Variants in RNF182 observed in about 807,000 individuals in gnomAD.
RNF182 encodes the protein E3 ubiquitin-protein ligase RNF182.
Under a neutral mutation model 14.4 loss-of-function variants are expected in RNF182, and 15 were observed. The observed-to-expected ratio is 1.04, with a 90% CI of 0.70 to 1.60. The LOEUF is 1.60. Among genes scored for constraint, RNF182 ranks in the 40% most tolerant of loss-of-function variants. RNF182 has a pLI of 0.00. For synonymous variants in RNF182, 128 were observed against 122.9 expected, an observed-to-expected ratio of 1.04 and a Z score of -0.27; for missense variants, 268 against 294.8, an observed-to-expected ratio of 0.91 and a Z score of 0.67.
chr6:13,932,980 T>A (rs957229592), intron 1 of RNF182, among the ~76,000 whole-genome samples: 1 of 152,174 alleles, frequency 6.6e-6, no homozygotes, highest in African/African-American at 2.4e-5. Context: ...CCATCCCATA[T>A]TGATTTGAAA....
intron 1 of RNF182, among the ~76,000 whole-genome samples, chr6:13,969,272 C>G (rs954419036): frequency 1.3e-5 from 2 of 152,136 alleles, no homozygotes; most frequent in African/African-American, 4.8e-5. Flanking sequence ...CCTGTCCTGT[C>G]CTGTCTTGTC....
chr6:13,971,335 A>G (rs1760173200), intron 1 of RNF182, among the ~76,000 whole-genome samples: 1 of 152,116 alleles, frequency 6.6e-6, no homozygotes, highest in Non-Finnish European at 1.5e-5. Flanking sequence ...GTCACCACAT[A>G]AGATGTGCCT....
rs117148257 is a variant in RNF182, at chr6:13,979,392, T to A, written c.*1529T>A. 2.6e-4 allele frequency: 44 copies of A among 167,190 alleles called. 1 individual carries two copies. The East Asian group carries it at 7.9e-3, about 30-fold the overall frequency. The allele number at this position is 167,190 out of a possible 1,614,324, so 10.4% of individuals were successfully genotyped here. A position where few individuals can be genotyped will look rare whatever the true frequency, so the allele number is the denominator to read the frequency against. On this transcript the variant is annotated 3_prime_UTR_variant, in exon 3 of 3. Coordinates refer to ENST00000488300, the MANE Select transcript of RNF182 (RefSeq NM_152737.4). ...CATTACTAAGACGACTTTAACTTGTTATGAAATCTTTGTTGTGTGATGCAG... is the reference window on the plus strand; with the variant it reads ...CATTACTAAGACGACTTTAACTTGTAATGAAATCTTTGTTGTGTGATGCAG...
intron 1 of RNF182, among the ~76,000 whole-genome samples, chr6:13,947,229 G>A (rs1047325106): frequency 6.6e-5 from 10 of 152,110 alleles, no homozygotes; most frequent in African/African-American, 2.4e-4. Context: ...TGGTTCACAG[G>A]AATAAGCAGG....
rs1009822167 is a variant in RNF182 at position 13,979,748 on chromosome 6, G to C, written c.*1885G>C. 6.0e-6 allele frequency: 1 copy of C among 166,918 alleles called. No individual in the cohort carries two copies. The highest frequency in any genetic ancestry group is 1.9e-4 in the East Asian group (1 of 5,202). 10.3% of individuals were successfully genotyped at this position (166,918 alleles called of 1,614,324 possible). On this transcript the variant is annotated 3_prime_UTR_variant, in exon 3 of 3. Coordinates refer to ENST00000488300, the MANE Select transcript of RNF182 (RefSeq NM_152737.4). ...AATGTAACATTGAGTAAATTGGTGA[G>C]TTATATAATGAGATTTCTAGAAAGC... is the stretch of plus-strand genomic sequence containing the variant.
intron 1 of RNF182, among the ~76,000 whole-genome samples, chr6:13,958,504 A>G (rs1397081658): frequency 6.6e-6 from 1 of 152,234 alleles, no homozygotes; most frequent in Non-Finnish European, 1.5e-5. Flanking sequence ...AGGGTGTGGT[A>G]TACCATTCAT....
At chr6:13,930,517 C>T (rs1758942262) in intron 1 of RNF182, among the ~76,000 whole-genome samples, 1 of 152,128 alleles carries the variant, frequency 6.6e-6, no homozygotes, top group African/African-American at 2.4e-5. Context: ...AGTGATACTC[C>T]CTTCTCACTC....
intron 1 of RNF182, among the ~76,000 whole-genome samples, chr6:13,958,253 G>C (rs1282238972): frequency 1.3e-5 from 2 of 152,012 alleles, no homozygotes; most frequent in African/African-American, 4.8e-5. Flanking sequence ...GGGTGTGGTG[G>C]TGTGCGCCTG....
chr6:13,928,432 A>T (rs2113573835), intron 1 of RNF182, among the ~76,000 whole-genome samples: 1 of 152,280 alleles, frequency 6.6e-6, no homozygotes, highest in South Asian at 2.1e-4. Context: ...TTTTATATGT[A>T]ATTCTTAATG....
At chr6:13,955,342 A>AG (rs1759700053) in intron 1 of RNF182, among the ~76,000 whole-genome samples, 1 of 152,222 alleles carries the variant, frequency 6.6e-6, no homozygotes, top group South Asian at 2.1e-4. Context: ...TCCTTCTATA[A>AG]AAAGAATTTT....
chr6:13,928,870 T>C (rs992818758), intron 1 of RNF182, among the ~76,000 whole-genome samples: 6 of 139,340 alleles, frequency 4.3e-5, no homozygotes, highest in Non-Finnish European at 7.8e-5. Flanking sequence ...GGGGGTGCGG[T>C]GGTGGTGGTT....
At chr6:13,941,707 A>G (rs1023900047) in intron 1 of RNF182, among the ~76,000 whole-genome samples, 10 of 151,770 alleles carry the variant, frequency 6.6e-5, no homozygotes, top group Non-Finnish European at 1.5e-4. Context: ...TACTCTTTTG[A>G]CTGTTATCCT....
chr6:13,932,433 T>G (rs747697450), intron 1 of RNF182, among the ~76,000 whole-genome samples: 2 of 152,224 alleles, frequency 1.3e-5, no homozygotes, highest in Non-Finnish European at 2.9e-5. Context: ...TTGGATTTCT[T>G]AAATTATCAG....
Position 13,978,570 on chromosome 6 carries a change from C to G in RNF182, c.*707C>G, listed in dbSNP as rs1026743802. On this transcript the variant is annotated 3_prime_UTR_variant, in exon 3 of 3. Transcript: ENST00000488300. ...CTCTTTCCTCCATGTCTGTTTTCCT[C>G]TCTCCTCAGTCTTATCTGAGAAGAA... 7.2e-6 allele frequency: 1 copy of G among 138,438 alleles called. No individual in the cohort carries two copies. Among genetic ancestry groups the G allele is most frequent in the Non-Finnish European group, 1.9e-5 (1 of 51,308 alleles). The allele number at this position is 138,438 out of a possible 1,614,324, so 8.6% of individuals were successfully genotyped here. A position where few individuals can be genotyped will look rare whatever the true frequency, so the allele number is the denominator to read the frequency against.
At chr6:13,933,416 T>C (rs1462298228) in intron 1 of RNF182, among the ~76,000 whole-genome samples, 4 of 140,304 alleles carry the variant, frequency 2.9e-5, no homozygotes, top group Non-Finnish European at 4.7e-5. Flanking sequence ...CTCCAAAGGC[T>C]GAGGTAGGAT....
intron 1 of RNF182, among the ~76,000 whole-genome samples, chr6:13,954,152 G>T (rs1347968534): frequency 6.6e-6 from 1 of 152,154 alleles, no homozygotes; most frequent in South Asian, 2.1e-4. Context: ...CTCCCCATTG[G>T]ATTATTTTGA....
At chr6:13,933,341 T>G (rs1418117735) in intron 1 of RNF182, among the ~76,000 whole-genome samples, 1 of 151,912 alleles carries the variant, frequency 6.6e-6, no homozygotes, top group African/African-American at 2.4e-5. Flanking sequence ...CATAGTGAGA[T>G]CCCACCTCTA....
At chr6:13,969,066 A>G (rs958215396) in intron 1 of RNF182, among the ~76,000 whole-genome samples, 2 of 152,142 alleles carry the variant, frequency 1.3e-5, no homozygotes, top group African/African-American at 4.8e-5. Context: ...TATTGACTTC[A>G]GAAACTCAGT....
Position 13,942,819 on chromosome 6 carries a change from C to T in RNF182, c.-367+17796C>T, listed in dbSNP as rs142841192. On this transcript the variant is annotated intron_variant, in intron 1 of 2. Coordinates refer to ENST00000488300, the MANE Select transcript of RNF182 (RefSeq NM_152737.4). ...TATTTTTTCCTCTTTAGTTTGGAAA[C>T]TTTCTAATGACCTATGTTTCAATTC... is the stretch of plus-strand genomic sequence containing the variant. 2.5e-3 allele frequency among the ~76,000 whole-genome samples: 374 copies of T among 152,224 alleles called. 1 individual carries two copies. The highest frequency in any genetic ancestry group is 8.4e-3 in the African/African-American group (349 of 41,526).
Sources: gnomAD v4.1 joint callset for allele counts (sites outside exome capture counted in the v4.1 genomes callset) on GRCh38, gnomAD v4.1.1 for gene constraint, MANE v1.5 for transcripts, NCBI Gene and HGNC (gene_info 2026-07-23, HGNC 2026-07-21) for gene names.